The following FGL1 variants were observed in gnomAD, a reference collection of about 807,000 sequenced individuals.
FGL1 encodes fibrinogen like 1, also known as fibrinogen-like protein 1.
Under a neutral mutation model 43.7 loss-of-function variants are expected in FGL1, and 59 were observed. The ratio of observed to expected loss-of-function variants is 1.35; its 90% confidence interval spans 1.10 to 1.68. FGL1 has a LOEUF of 1.68. Ranked by LOEUF, FGL1 falls within the 40% of genes most tolerant of loss-of-function variation. The pLI is 0.00. For missense variants in FGL1, 596 were observed against 373.0 expected (o/e 1.60, Z -4.92); for synonymous variants, 192 against 126.5 (o/e 1.52, Z -3.48).
chr8:17,882,094 T>A lies in FGL1; in HGVS notation c.149A>T (p.Lys50Met), dbSNP rs781544476. 3.7e-6 allele frequency: 6 copies of A among 1,614,108 alleles called. No homozygotes were observed. The South Asian group carries it at 5.5e-5, about 15-fold the overall frequency. The change falls in exon 3 of 8, where the codon AAG becomes ATG. Residue 50 changes from lysine (K) to methionine (M), a missense_variant. Physicochemically the swap from Lys to Met is moderately conservative, Grantham distance 95. Transcript: ENST00000427924. ...LETRVKQQQV[K>M]IKQLLQENEV... The stretch of plus-strand genomic sequence containing the variant: ...ATTCTCCTGCAAAAGCTGCTTGATC[T>A]TGACCTGTTGCTGTTTGACCCGGGT...
intron 1 of FGL1, among the ~76,000 whole-genome samples, chr8:17,893,335 T>C (rs775912321): frequency 6.6e-6 from 1 of 151,970 alleles, no homozygotes; most frequent in Non-Finnish European, 1.5e-5. Flanking sequence ...GATGCACCTA[T>C]ATATCATATA....
chr8:17,870,897 T>C (rs996998948), intron 5 of FGL1, among the ~76,000 whole-genome samples: 1 of 150,616 alleles, frequency 6.6e-6, no homozygotes, highest in African/African-American at 2.5e-5. Flanking sequence ...AGAGTGAGAC[T>C]CTGTCTCAAA....
intron 7 of FGL1, among the ~76,000 whole-genome samples, chr8:17,865,294 C>T (rs34025527): frequency 0.045 from 6,778 of 152,240 alleles, 521 homozygotes; most frequent in African/African-American, 0.15. Flanking sequence ...TCATACTTAA[C>T]AAGAGCTAAG....
chr8:17,881,699 T>A (rs538112114), intron 3 of FGL1, among the ~76,000 whole-genome samples: 6 of 151,510 alleles, frequency 4.0e-5, no homozygotes, highest in East Asian at 2.0e-4. Context: ...CCGGGCCTGG[T>A]GGTGGGCACC....
intron 2 of FGL1, among the ~76,000 whole-genome samples, 158 bp downstream of exon 2, chr8:17,885,334 C>A (rs2053611840): frequency 6.6e-6 from 1 of 152,132 alleles, no homozygotes; most frequent in South Asian, 2.1e-4. Context: ...TAAAGTGCTG[C>A]TTTACTATGT....
intron 1 of FGL1, chr8:17,885,840 G>A: frequency 3.1e-6 from 1 of 324,772 alleles, no homozygotes; most frequent in Non-Finnish European, 5.7e-6. Flanking sequence ...GTGTTATGCT[G>A]TGGAAAGGCA....
intron 3 of FGL1, among the ~76,000 whole-genome samples, chr8:17,880,711 T>C (rs1054610742): frequency 2.0e-5 from 3 of 152,222 alleles, no homozygotes; most frequent in Admixed American, 6.5e-5. Context: ...AGTGCTAGAA[T>C]AGACATATGG....
chr8:17,894,093 TGAA>T (rs1296973821), intron 1 of FGL1, among the ~76,000 whole-genome samples: 15 of 146,994 alleles, frequency 1.0e-4, no homozygotes, highest in African/African-American at 3.5e-4. Context: ...AATTTAAAGA[TGAA>T]GACATTAAAT....
chr8:17,867,730 G>A, intron 7 of FGL1, among the ~76,000 whole-genome samples: 1 of 152,144 alleles, frequency 6.6e-6, no homozygotes, highest in Admixed American at 6.6e-5. Context: ...CCACCTCCTG[G>A]GCAGAAAGAA....
At chr8:17,885,842 G>T in intron 1 of FGL1, 1 of 318,488 alleles carries the variant, frequency 3.1e-6, no homozygotes, top group East Asian at 5.5e-5. Context: ...GTTATGCTGT[G>T]GAAAGGCACA....
At chr8:17,875,560 T>C (rs868219206) in intron 3 of FGL1, among the ~76,000 whole-genome samples, 291 of 20,198 alleles carry the variant, frequency 0.014, 14 homozygotes, top group African/African-American at 0.037. Context: ...TTTCTTTCTT[T>C]CTTTCTTTCT....
intron 3 of FGL1, among the ~76,000 whole-genome samples, chr8:17,874,855 G>C (rs547552967): frequency 6.6e-6 from 1 of 151,262 alleles, no homozygotes; most frequent in Non-Finnish European, 1.5e-5. Flanking sequence ...GGCTGGTCTC[G>C]AACTCCTGGC....
In FGL1 at chr8:17,886,663, C is replaced by T. The variant is rs183183615; in HGVS notation, c.-17-1092G>A. Among the ~76,000 whole-genome samples the T allele has an allele frequency of 1.5e-3, 233 of 152,194 alleles. 2 individuals are homozygous for T. The highest frequency in any genetic ancestry group is 5.5e-3 in the African/African-American group (230 of 41,538). ...CTCCCAGCCACTCGGGAGGCTGAGGCAGGAGAATTGCTTGAACCCGGGAGA... is the reference window on the plus strand; with the variant it reads ...CTCCCAGCCACTCGGGAGGCTGAGGTAGGAGAATTGCTTGAACCCGGGAGA... On this transcript the variant is annotated intron_variant, in intron 1 of 7. Coordinates refer to ENST00000427924, the MANE Select transcript of FGL1 (RefSeq NM_004467.4).
intron 3 of FGL1, 84 bp downstream of exon 3, chr8:17,881,914 GA>G (rs1278533438): frequency 2.2e-5 from 25 of 1,118,134 alleles, no homozygotes; most frequent in African/African-American, 3.1e-5. Flanking sequence ...ACTGAAATAG[GA>G]AAAGCCTGAA....
intron 2 of FGL1, among the ~76,000 whole-genome samples, chr8:17,882,857 A>G (rs1322942175): frequency 0.012 from 1,265 of 103,874 alleles, 69 homozygotes; most frequent in African/African-American, 0.043. Context: ...AATATATATC[A>G]TATATAATAT....
At chr8:17,867,233 C>G (rs2053282612) in intron 7 of FGL1, among the ~76,000 whole-genome samples, 1 of 152,052 alleles carries the variant, frequency 6.6e-6, no homozygotes, top group Non-Finnish European at 1.5e-5. Context: ...AGTCTGATAA[C>G]CGAAACAGCT....
chr8:17,867,662 CTAAG>C (rs572777323), intron 7 of FGL1, among the ~76,000 whole-genome samples: 24 of 152,200 alleles, frequency 1.6e-4, no homozygotes, highest in Non-Finnish European at 2.9e-4. Flanking sequence ...CAGACTTCTA[CTAAG>C]TGTCTTGGGG....
Position 17,874,036 on chromosome 8 carries a change from T to A in FGL1, c.485A>T (p.His162Leu). The change falls in exon 5 of 8, where the codon CAC becomes CTC. Residue 162 changes from histidine to leucine, a missense_variant. Physicochemically the swap from His to Leu is moderately conservative, Grantham distance 99. Transcript: ENST00000427924. ...AACCTTACCTTGAGTGGTCAAGAAG[T>A]GAAGATTTTTATTGCCCAGCCAATA... Reference protein sequence around the residue: ...GEYWLGNKNLHFLTTQEDYTL... With the variant: ...GEYWLGNKNLLFLTTQEDYTL... 1 of 1,609,696 alleles carries A rather than the reference T, an allele frequency of 6.2e-7. No homozygotes were observed. The highest frequency in any genetic ancestry group is 1.3e-5 in the African/African-American group (1 of 74,796).
intron 3 of FGL1, among the ~76,000 whole-genome samples, chr8:17,877,825 G>C (rs1409550707): frequency 6.6e-6 from 1 of 152,154 alleles, no homozygotes; most frequent in Non-Finnish European, 1.5e-5. Flanking sequence ...TTAATATTGA[G>C]AGAATGCGAT....
Sources: gnomAD v4.1 joint callset for allele counts (sites outside exome capture counted in the v4.1 genomes callset) on GRCh38, gnomAD v4.1.1 for gene constraint, MANE v1.5 for transcripts, NCBI Gene and HGNC (gene_info 2026-07-23, HGNC 2026-07-21) for gene names.